FOXP2: variants seen among roughly 807,000 people sequenced by gnomAD.
FOXP2 encodes the protein forkhead box P2.
Under a neutral mutation model 115.8 loss-of-function variants are expected in FOXP2, and 12 were observed. The ratio of observed to expected loss-of-function variants is 0.10; its 90% confidence interval spans 0.07 to 0.17. FOXP2 has a LOEUF of 0.17. Among genes scored for constraint, FOXP2 ranks in the 10% least tolerant of loss-of-function variants. The pLI, the probability that FOXP2 is intolerant of heterozygous loss-of-function variation, is 1.00. For missense variants in FOXP2, 629 were observed against 843.5 expected, an observed-to-expected ratio of 0.75 and a Z score of 3.15; for synonymous variants, 328 against 297.7, an observed-to-expected ratio of 1.10 and a Z score of -1.05.
chr7:114,271,764 T>C (rs1796057104), intron 1 of FOXP2, among the ~76,000 whole-genome samples: 1 of 118,208 alleles, frequency 8.5e-6, no homozygotes, highest in Non-Finnish European at 1.6e-5. Context: ...TATATATTAT[T>C]TAATATATTA....
intron 1 of FOXP2, among the ~76,000 whole-genome samples, chr7:114,125,619 T>C (rs969034385): frequency 6.6e-6 from 1 of 152,152 alleles, no homozygotes; most frequent in East Asian, 1.9e-4. Flanking sequence ...AGAAGTTCTC[T>C]CTGTGATATC....
intron 1 of FOXP2, among the ~76,000 whole-genome samples, chr7:114,132,582 T>TGTGTGTGTGAGA (rs1554419465): frequency 5.4e-5 from 3 of 55,996 alleles, no homozygotes; most frequent in African/African-American, 2.4e-4. Flanking sequence ...TGTGTGTGTG[T>TGTGTGTGTGAGA]GAGAGAGAGA....
At chr7:114,157,002 G>A (rs1792689629) in intron 1 of FOXP2, among the ~76,000 whole-genome samples, 1 of 152,076 alleles carries the variant, frequency 6.6e-6, no homozygotes, top group African/African-American at 2.4e-5. Context: ...ATTTTTGACA[G>A]ATTTATTTAT....
At chr7:114,156,406 T>C (rs1350796814) in intron 1 of FOXP2, among the ~76,000 whole-genome samples, 3 of 152,140 alleles carry the variant, frequency 2.0e-5, no homozygotes, top group Non-Finnish European at 4.4e-5. Flanking sequence ...TGATAAAAGA[T>C]TGGGTTTCAC....
At chr7:114,312,245 T>G (rs1163549847) in intron 2 of FOXP2, among the ~76,000 whole-genome samples, 1 of 152,220 alleles carries the variant, frequency 6.6e-6, no homozygotes, top group Non-Finnish European at 1.5e-5. Context: ...CTATGGTTGC[T>G]GGACTTGCTG....
intron 1 of FOXP2, among the ~76,000 whole-genome samples, chr7:114,279,714 G>A (rs1796280033): frequency 1.3e-5 from 2 of 151,790 alleles, no homozygotes; most frequent in South Asian, 4.2e-4. Context: ...GTAATCCAGT[G>A]AATTGTTTTG....
At chr7:114,573,530 A>G (rs1447194993) in intron 3 of FOXP2, among the ~76,000 whole-genome samples, 1 of 151,810 alleles carries the variant, frequency 6.6e-6, no homozygotes, top group Admixed American at 6.6e-5. Context: ...TATGTAACTA[A>G]CATTTATAAT....
At chr7:114,464,262 G>C (rs555767395) in intron 2 of FOXP2, among the ~76,000 whole-genome samples, 2 of 152,230 alleles carry the variant, frequency 1.3e-5, no homozygotes, top group Middle Eastern at 3.4e-3. Flanking sequence ...GAGAAAAAGA[G>C]ACAGAGAAAG....
At chr7:114,670,941 G>A (rs960147166) in intron 16 of FOXP2, among the ~76,000 whole-genome samples, 1 of 151,768 alleles carries the variant, frequency 6.6e-6, no homozygotes, top group African/African-American at 2.4e-5. Context: ...GGATCATTAT[G>A]TTGCATTGCA....
chr7:114,399,121 T>C (rs1792813959), intron 2 of FOXP2, among the ~76,000 whole-genome samples: 1 of 151,290 alleles, frequency 6.6e-6, no homozygotes, highest in African/African-American at 2.4e-5. Context: ...TTTCTTTTTT[T>C]TTTTTTTGAG....
intron 1 of FOXP2, among the ~76,000 whole-genome samples, chr7:114,266,866 A>G (rs999922184): frequency 2.6e-5 from 4 of 152,330 alleles, no homozygotes; most frequent in African/African-American, 9.6e-5. Flanking sequence ...TCATTGAACA[A>G]AAATTTATGT....
chr7:114,150,543 A>C (rs1792503392), intron 1 of FOXP2, among the ~76,000 whole-genome samples: 2 of 152,052 alleles, frequency 1.3e-5, no homozygotes, highest in Non-Finnish European at 2.9e-5. Flanking sequence ...CTGATAGTAC[A>C]TACAGTGCTA....
At chr7:114,145,543 C>G (rs900472106) in intron 1 of FOXP2, among the ~76,000 whole-genome samples, 2 of 142,526 alleles carry the variant, frequency 1.4e-5, no homozygotes, top group Admixed American at 1.5e-4. Flanking sequence ...AGCTGGAGTG[C>G]AGGGTGTGAT....
intron 2 of FOXP2, among the ~76,000 whole-genome samples, chr7:114,512,596 C>T (rs1426326525): frequency 6.6e-6 from 1 of 152,100 alleles, no homozygotes; most frequent in African/African-American, 2.4e-5. Context: ...TGATAGGGTT[C>T]TGTAGGGAGG....
chr7:114,662,631 C>G (rs550668847), intron 14 of FOXP2, among the ~76,000 whole-genome samples: 15 of 152,062 alleles, frequency 9.9e-5, no homozygotes, highest in African/African-American at 3.6e-4. Flanking sequence ...AAGGCTATTT[C>G]TTTCTCAAAT....
intron 3 of FOXP2, among the ~76,000 whole-genome samples, chr7:114,535,339 TG>T (rs200652395): frequency 2.5e-4 from 37 of 150,812 alleles, no homozygotes; most frequent in Non-Finnish European, 3.4e-4. Context: ...ATTTTCTTGG[TG>T]GGGGGGGAAA....
chr7:114,690,129 C>CTTTTTTTTTTTTTTTTTTTTTTTT lies in FOXP2; in HGVS notation c.*220_*221insTTTTTTTTTTTTTTTTTTTTTTTT. 4.8e-6 allele frequency: 2 copies of CTTTTTTTTTTTTTTTTTTTTTTTT among 420,592 alleles called. No individual in the cohort carries two copies. The highest frequency in any genetic ancestry group is 5.8e-5 in the East Asian group (1 of 17,250). 26.1% of individuals were successfully genotyped at this position (420,592 alleles called of 1,614,324 possible). A position where few individuals can be genotyped will look rare whatever the true frequency, so the allele number is the denominator to read the frequency against. ...TGCTTGTTTTCTTCTTCTTCTTCTT[C>CTTTTTTTTTTTTTTTTTTTTTTTT]TTTTTTTTTTTTTTTTTAGAAAAAA... On this transcript the variant is annotated 3_prime_UTR_variant, in exon 17 of 17. Transcript: ENST00000350908.
chr7:114,157,132 C>A, intron 1 of FOXP2, among the ~76,000 whole-genome samples: 1 of 152,048 alleles, frequency 6.6e-6, no homozygotes, highest in East Asian at 1.9e-4. Context: ...CCATACCATT[C>A]CTTGTCAAAT....
intron 8 of FOXP2, among the ~76,000 whole-genome samples, chr7:114,648,338 A>G (rs1806036693): frequency 6.6e-6 from 1 of 152,088 alleles, no homozygotes; most frequent in South Asian, 2.1e-4. Flanking sequence ...AACATTTTGT[A>G]TTTAAACTCC....
Sources: allele counts gnomAD v4.1 joint callset (sites outside exome capture counted in the v4.1 genomes callset), GRCh38; gene constraint gnomAD v4.1.1; transcripts MANE v1.5; gene names NCBI Gene and HGNC (gene_info 2026-07-23, HGNC 2026-07-21).